The following RGSL1 variants were observed in gnomAD, a reference collection of about 807,000 sequenced individuals.
The protein encoded by RGSL1 is regulator of G protein signaling protein-like.
A neutral mutation model predicts 124.7 loss-of-function variants in RGSL1; 97 were observed. The ratio of observed to expected loss-of-function variants is 0.78; its 90% CI spans 0.66 to 0.92. The LOEUF (loss-of-function observed/expected upper bound fraction) is 0.92. RGSL1 is among the 40% of genes least tolerant of loss of function. The pLI is 0.00. For missense variants in RGSL1, 1,233 were observed against 1,288.4 expected (o/e 0.96, Z 0.66); for synonymous variants, 424 against 438.1 (o/e 0.97, Z 0.40).
At chr1:182,536,289 G>A (rs1465802413) in intron 14 of RGSL1, among the ~76,000 whole-genome samples, 1 of 152,126 alleles carries the variant, frequency 6.6e-6, no homozygotes, top group Non-Finnish European at 1.5e-5. Flanking sequence ...ATGGACATAT[G>A]TTATTTCTTT....
intron 14 of RGSL1, among the ~76,000 whole-genome samples, chr1:182,536,651 G>A (rs886239943): frequency 5.3e-5 from 8 of 152,274 alleles, no homozygotes; most frequent in East Asian, 1.9e-4. Context: ...AGGTTTTAAC[G>A]GACTCACAGT....
chr1:182,458,088 G>C (rs1429425017), intron 2 of RGSL1, among the ~76,000 whole-genome samples: 1 of 152,232 alleles, frequency 6.6e-6, no homozygotes, highest in Non-Finnish European at 1.5e-5. Context: ...ATAGCTCCCA[G>C]GTTGGGGCGT....
chr1:182,466,945 T>C (rs57027570), intron 4 of RGSL1, among the ~76,000 whole-genome samples: 1,624 of 152,184 alleles, frequency 0.011, 26 homozygotes, highest in African/African-American at 0.036. Context: ...CAACACAGTG[T>C]GGTGCAAGCA....
chr1:182,475,770 G>A (rs952226196), intron 6 of RGSL1, among the ~76,000 whole-genome samples: 2 of 152,182 alleles, frequency 1.3e-5, no homozygotes, highest in Admixed American at 6.5e-5. Context: ...GCGCATACAG[G>A]TTAATCTTCC....
Position 182,495,717 on chromosome 1 carries a change from C to T in RGSL1, c.1825+2588C>T, listed in dbSNP as rs193039280. 2.6e-5 allele frequency among the ~76,000 whole-genome samples: 4 copies of T among 152,268 alleles called. No homozygotes were observed. In the East Asian group the frequency reaches 5.8e-4, roughly 22 times the overall value. ...CACCAAGATATTGAGATGGTCCATT[C>T]ATGAAACAGGTTCAGCTTTTTTCCT... On this transcript the variant is annotated intron_variant, in intron 9 of 21. Transcript: ENST00000294854.
rs368348261 is a variant in RGSL1, at chr1:182,548,479, C to G, written c.2808+24C>G. The G allele has an allele frequency of 1.0e-4, 159 of 1,550,186 alleles. 1 individual carries two copies. The African/African-American group carries it at 1.6e-3, about 16-fold the overall frequency. ...GGGTAAGAAAGACTCCCACTCCACT[C>G]TGGCCTTTCACCAAGAAGCATTTCC... is the stretch of plus-strand genomic sequence containing the variant. On this transcript the variant is annotated intron_variant, in intron 16 of 21. Transcript: ENST00000294854.
rs187099627 is a variant in RGSL1 at position 182,499,906 on chromosome 1, G to A, written c.1825+6777G>A. On this transcript the variant is annotated intron_variant, in intron 9 of 21. Coordinates refer to ENST00000294854, the MANE Select transcript of RGSL1 (RefSeq NM_001137669.2). The stretch of plus-strand genomic sequence containing the variant: ...TAGCATTTGCTTGTCTGAAAAGTTA[G>A]ATACTAGATTTTTACCAGATACATG... Among the ~76,000 whole-genome samples, 231 of 152,188 alleles carry A rather than the reference G, an allele frequency of 1.5e-3. 1 individual carries two copies. Among genetic ancestry groups the A allele is most frequent in the African/African-American group, 4.1e-3 (170 of 41,512 alleles).
chr1:182,489,305 G>A (rs1422443831), intron 8 of RGSL1, 103 bp downstream of exon 8: 3 of 1,031,176 alleles, frequency 2.9e-6, no homozygotes, highest in Non-Finnish European at 4.2e-6. Context: ...ACTATGCAGT[G>A]CAGGGATTAC....
chr1:182,556,218 A>T lies in RGSL1; in HGVS notation c.*161A>T, dbSNP rs1038882258. The T allele has an allele frequency of 4.5e-6, 3 of 671,146 alleles. No individual in the cohort carries two copies. Among genetic ancestry groups the T allele is most frequent in the Non-Finnish European group, 7.7e-6 (3 of 389,032 alleles). The allele number at this position is 671,146 out of a possible 1,614,324, so 41.6% of individuals were successfully genotyped here. On this transcript the variant is annotated 3_prime_UTR_variant, in exon 21 of 22. Transcript: ENST00000294854. Reference sequence around the variant, plus strand: ...CCCAGATATGGCAGGACCAGACTGCAATGGGTAAGACTTGGGCAGAGCATG... The same window carrying T: ...CCCAGATATGGCAGGACCAGACTGCTATGGGTAAGACTTGGGCAGAGCATG...
intron 4 of RGSL1, among the ~76,000 whole-genome samples, chr1:182,461,484 A>G (rs1652831255): frequency 6.6e-6 from 1 of 152,144 alleles, no homozygotes; most frequent in Non-Finnish European, 1.5e-5. Flanking sequence ...AGTATGGTCA[A>G]TTTAAAGAAA....
chr1:182,473,832 C>A lies in RGSL1; in HGVS notation c.721C>A (p.His241Asn). 1 of 1,551,708 alleles carries A rather than the reference C, an allele frequency of 6.4e-7. No homozygotes were observed. The highest frequency in any genetic ancestry group is 8.7e-7 in the Non-Finnish European group (1 of 1,146,984). ...GAACATGAGCATCAAGAAGTGCCACCACTTTCAGAAACGGTACTCAAGCAG... is the reference window on the plus strand; with the variant it reads ...GAACATGAGCATCAAGAAGTGCCACAACTTTCAGAAACGGTACTCAAGCAG... ...PLNMSIKKCHHFQKRYSSRKA... is the reference protein window; with the variant it reads ...PLNMSIKKCHNFQKRYSSRKA... Residue 241 changes from histidine to asparagine, a missense_variant, in exon 6 of 22, where the codon CAC (histidine) becomes AAC (asparagine). His to Asn is a moderately conservative substitution (Grantham distance 68, BLOSUM62 1). Coordinates refer to ENST00000294854, the MANE Select transcript of RGSL1 (RefSeq NM_001137669.2).
At chr1:182,487,781 G>T (rs940077735) in intron 6 of RGSL1, among the ~76,000 whole-genome samples, 4 of 152,196 alleles carry the variant, frequency 2.6e-5, no homozygotes, top group Non-Finnish European at 4.4e-5. Context: ...ATGAATGAAT[G>T]AATGAAACTG....
chr1:182,530,858 T>C lies in RGSL1; in HGVS notation c.2312T>C (p.Ile771Thr). 1 of 1,550,220 alleles carries C rather than the reference T, an allele frequency of 6.5e-7. No homozygotes were observed. Among genetic ancestry groups the C allele is most frequent in the Non-Finnish European group, 8.7e-7 (1 of 1,146,152 alleles). The change falls in exon 13 of 22, where the codon ATT (isoleucine) becomes ACT (threonine). Residue 771 changes from isoleucine (I) to threonine (T), a missense_variant. Physicochemically the swap from Ile to Thr is moderately conservative, Grantham distance 89 (BLOSUM62 -1). Coordinates refer to ENST00000294854, the MANE Select transcript of RGSL1 (RefSeq NM_001137669.2). ...GTGGAAGTGCAAAGTGAAGTACAAA[T>C]TTCGTCTAGGAAGCCCTCAAAGATA... ...QEVEVQSEVQ[I>T]SSRKPSKIVS... is the part of the protein sequence containing the mutation.
chr1:182,538,670 A>G (rs60433792), intron 14 of RGSL1, among the ~76,000 whole-genome samples: 2,933 of 152,254 alleles, frequency 0.019, 89 homozygotes, highest in African/African-American at 0.066. Context: ...AAGGCAAGGG[A>G]GGCATATAAC....
intron 4 of RGSL1, among the ~76,000 whole-genome samples, chr1:182,462,312 A>G (rs1652908556): frequency 1.3e-5 from 2 of 152,180 alleles, no homozygotes; most frequent in Admixed American, 1.3e-4. Context: ...CAGATAAACA[A>G]AAGTTGAGGG....
At chr1:182,466,639 A>G (rs1174844498) in intron 4 of RGSL1, among the ~76,000 whole-genome samples, 1 of 152,214 alleles carries the variant, frequency 6.6e-6, no homozygotes, top group Non-Finnish European at 1.5e-5. Context: ...AAAGACTTGC[A>G]CAATAAAAAC....
At chr1:182,450,540 C>T (rs1651729667) in intron 1 of RGSL1, 2 of 281,378 alleles carry the variant, frequency 7.1e-6, no homozygotes, top group Non-Finnish European at 1.4e-5. Flanking sequence ...GTGCTAAAAG[C>T]CTTCTCAAAT....
intron 18 of RGSL1, 129 bp from the exon 19 acceptor site, chr1:182,553,322 TTAGA>T: frequency 1.5e-6 from 1 of 676,896 alleles, no homozygotes; most frequent in Non-Finnish European, 2.5e-6. Context: ...AGATTTAGAT[TTAGA>T]TAATGTTTTA....
rs772883141 is a variant in RGSL1 at position 182,553,459 on chromosome 1, CA to C, written c.3050del (p.Asn1017MetfsTer4). 226 of 1,551,608 alleles carry C rather than the reference CA, an allele frequency of 1.5e-4. No individual in the cohort carries two copies. The highest frequency in any genetic ancestry group is 1.9e-4 in the Non-Finnish European group (221 of 1,146,916). On this transcript the variant is annotated frameshift_variant, in exon 19 of 22. Coordinates refer to ENST00000294854, the MANE Select transcript of RGSL1 (RefSeq NM_001137669.2). LOFTEE classifies it high-confidence loss of function. ...DKYPFSSGGD[N>X]AILRFTLLRG... ...CTTGTTTTTGTCCTTCCCCAGGAGA[CA>C]ATGCCATCTTAAGGTTCACCTTGCT... is the stretch of plus-strand genomic sequence containing the variant.
Sources: allele counts gnomAD v4.1 joint callset (sites outside exome capture counted in the v4.1 genomes callset), GRCh38; gene constraint gnomAD v4.1.1; transcripts MANE v1.5; gene names NCBI Gene and HGNC (gene_info 2026-07-23, HGNC 2026-07-21).